Variants in UBE3C observed in about 807,000 individuals in gnomAD.
UBE3C encodes the protein ubiquitin protein ligase E3C, also known as ubiquitin-protein ligase E3C.
In UBE3C, 42 loss-of-function variants were observed where a neutral mutation model predicts 129.4. The ratio of observed to expected loss-of-function variants is 0.32; its 90% CI spans 0.25 to 0.42. The LOEUF (loss-of-function observed/expected upper bound fraction) is 0.42. Among genes scored for constraint, UBE3C ranks in the 10% least tolerant of loss-of-function variants. The pLI, the probability that UBE3C is intolerant of heterozygous loss-of-function variation, is 1.00. For synonymous variants in UBE3C, 510 were observed against 492.4 expected (o/e 1.04, Z -0.47); for missense variants, 1,049 against 1,319.1 (o/e 0.80, Z 3.17).
rs771799262 is a variant in UBE3C at position 157,207,730 on chromosome 7, T to C, written c.1604T>C (p.Met535Thr). Residue 535 changes from methionine to threonine, a missense_variant, in exon 13 of 23, where the codon ATG (methionine) becomes ACG (threonine). By Grantham distance (81) the Met-to-Thr change is moderately conservative. Coordinates refer to ENST00000348165, the MANE Select transcript of UBE3C (RefSeq NM_014671.3). ...GTAGGTCAAAGACAATCATCAATGA[T>C]GCCTTTTACTTTAGAAGAGCTGATA... ...EVVGQRQSSM[M>T]PFTLEELIML... The C allele has an allele frequency of 6.2e-6, 10 of 1,613,448 alleles. No individual in the cohort carries two copies. The highest frequency in any genetic ancestry group is 6.8e-6 in the Non-Finnish European group (8 of 1,179,896).
chr7:157,200,733 C>CT (rs1376110574), intron 10 of UBE3C, among the ~76,000 whole-genome samples: 2 of 152,064 alleles, frequency 1.3e-5, no homozygotes, highest in Non-Finnish European at 2.9e-5. Context: ...CTCCTGGGCT[C>CT]TATCGATTCT....
intron 3 of UBE3C, 34 bp from the exon 4 acceptor site, chr7:157,170,270 A>T: frequency 4.2e-6 from 6 of 1,439,882 alleles, no homozygotes; most frequent in Non-Finnish European, 5.5e-6. Flanking sequence ...CAAATACTAT[A>T]TTTATGGGTC....
At chr7:157,245,159 A>G (rs533610669) in intron 18 of UBE3C, among the ~76,000 whole-genome samples, 65 of 152,350 alleles carry the variant, frequency 4.3e-4, no homozygotes, top group Non-Finnish European at 1.8e-4. Flanking sequence ...AACCTGCCTC[A>G]TGTAAAAAAT....
intron 4 of UBE3C, among the ~76,000 whole-genome samples, chr7:157,171,657 AT>A (rs1326279576): frequency 4.3e-4 from 39 of 89,812 alleles, no homozygotes; most frequent in African/African-American, 1.3e-3. Context: ...ATTTTTAAAT[AT>A]TTTATATATA....
intron 2 of UBE3C, among the ~76,000 whole-genome samples, chr7:157,167,142 G>T (rs958590864): frequency 6.6e-6 from 1 of 152,090 alleles, no homozygotes. Context: ...TGTTGGCCAG[G>T]CTGGTCTGGG....
intron 18 of UBE3C, among the ~76,000 whole-genome samples, chr7:157,240,560 A>AG (rs1419413926): frequency 3.3e-5 from 5 of 152,144 alleles, no homozygotes; most frequent in African/African-American, 1.2e-4. Context: ...TAGGATGTAG[A>AG]GTCAGATTTA....
At chr7:157,194,921 G>T (rs1190178600) in intron 10 of UBE3C, among the ~76,000 whole-genome samples, 1 of 152,112 alleles carries the variant, frequency 6.6e-6, no homozygotes, top group Non-Finnish European at 1.5e-5. Flanking sequence ...ATGGAAGGAG[G>T]TAGATAAATT....
chr7:157,142,910 A>G (rs1187710003), intron 1 of UBE3C, among the ~76,000 whole-genome samples: 2 of 149,744 alleles, frequency 1.3e-5, no homozygotes, highest in Non-Finnish European at 3.0e-5. Context: ...AGTGTTGCCC[A>G]GGCTGGAGTG....
At chr7:157,191,197 T>G (rs1044753119) in intron 10 of UBE3C, among the ~76,000 whole-genome samples, 3 of 152,256 alleles carry the variant, frequency 2.0e-5, no homozygotes, top group African/African-American at 7.2e-5. Context: ...TCATTGTGAT[T>G]TAGATAAACA....
At chr7:157,247,117 C>G (rs1165404304) in intron 18 of UBE3C, among the ~76,000 whole-genome samples, 1 of 152,086 alleles carries the variant, frequency 6.6e-6, no homozygotes, top group Non-Finnish European at 1.5e-5. Flanking sequence ...AACTCCTGAC[C>G]TCAGGTGATC....
At chr7:157,176,360 T>C (rs1202839007) in intron 5 of UBE3C, among the ~76,000 whole-genome samples, 1 of 152,154 alleles carries the variant, frequency 6.6e-6, no homozygotes, top group Non-Finnish European at 1.5e-5. Context: ...CTGCAACCAC[T>C]GCCTCCTGGG....
intron 1 of UBE3C, among the ~76,000 whole-genome samples, chr7:157,159,210 C>A (rs772332748): frequency 2.6e-5 from 4 of 151,732 alleles, no homozygotes; most frequent in Non-Finnish European, 4.4e-5. Context: ...GGCATACACA[C>A]CATGATTGTG....
At chr7:157,254,952 GGC>G (rs1796711596) in intron 21 of UBE3C, among the ~76,000 whole-genome samples, 1 of 117,832 alleles carries the variant, frequency 8.5e-6, no homozygotes, top group African/African-American at 2.6e-5. Flanking sequence ...CCGGCGTGGT[GGC>G]GTACACCTGC....
At chr7:157,176,928 A>G (rs1193396319) in intron 5 of UBE3C, among the ~76,000 whole-genome samples, 3 of 152,236 alleles carry the variant, frequency 2.0e-5, no homozygotes, top group African/African-American at 7.2e-5. Context: ...CGACAGTCTT[A>G]TCTGCCACGT....
At chr7:157,250,002 A>G (rs1417221280) in intron 19 of UBE3C, among the ~76,000 whole-genome samples, 1 of 152,218 alleles carries the variant, frequency 6.6e-6, no homozygotes, top group African/African-American at 2.4e-5. Context: ...CAAATATTCC[A>G]AAATTTGGGG....
At chr7:157,249,423 C>T (rs950108696) in intron 19 of UBE3C, among the ~76,000 whole-genome samples, 5 of 151,980 alleles carry the variant, frequency 3.3e-5, no homozygotes, top group Non-Finnish European at 5.9e-5. Context: ...TCAAGTGATT[C>T]TCCTGCCCCA....
chr7:157,222,958 G>A (rs893886572), intron 15 of UBE3C: 2 of 258,940 alleles, frequency 7.7e-6, no homozygotes, highest in Non-Finnish European at 1.5e-5. Context: ...GGGCCTCACC[G>A]CCAGTGCTAG....
chr7:157,227,250 C>T (rs1484941760), intron 17 of UBE3C, among the ~76,000 whole-genome samples: 1 of 152,126 alleles, frequency 6.6e-6, no homozygotes, highest in Non-Finnish European at 1.5e-5. Flanking sequence ...AGTTCTGGAG[C>T]AGCACCTGTA....
intron 13 of UBE3C, 119 bp downstream of exon 13, chr7:157,208,054 AC>A: frequency 8.7e-6 from 1 of 114,768 alleles, no homozygotes; most frequent in Non-Finnish European, 1.8e-5. Context: ...AATTTGCAAG[AC>A]TTTTTTTTTT....
Sources: gnomAD v4.1 joint callset for allele counts (sites outside exome capture counted in the v4.1 genomes callset) on GRCh38, gnomAD v4.1.1 for gene constraint, MANE v1.5 for transcripts, NCBI Gene and HGNC (gene_info 2026-07-23, HGNC 2026-07-21) for gene names.